GABRG3: variants seen among roughly 807,000 people sequenced by gnomAD.
GABRG3 encodes the protein gamma-aminobutyric acid type A receptor subunit gamma3, also known as gamma-aminobutyric acid receptor subunit gamma-3.
A neutral mutation model predicts 48.8 loss-of-function variants in GABRG3; 25 were observed. The ratio of observed to expected loss-of-function variants is 0.51; its 90% CI spans 0.37 to 0.72. The LOEUF (loss-of-function observed/expected upper bound fraction) is 0.72, where lower values mean the gene tolerates loss of function less well. GABRG3 is among the 30% of genes least tolerant of loss of function. The pLI is 0.00. For synonymous variants in GABRG3, 227 were observed against 217.6 expected (o/e 1.04, Z -0.38); for missense variants, 394 against 577.9 (o/e 0.68, Z 3.26).
At chr15:27,434,725 G>A (rs988388156) in intron 5 of GABRG3, among the ~76,000 whole-genome samples, 3 of 152,196 alleles carry the variant, frequency 2.0e-5, no homozygotes, top group Non-Finnish European at 4.4e-5. Context: ...GGCCAGAGCA[G>A]CAGTATGAGG....
chr15:27,288,456 T>G (rs1348182986), intron 3 of GABRG3, among the ~76,000 whole-genome samples: 1 of 152,010 alleles, frequency 6.6e-6, no homozygotes, highest in African/African-American at 2.4e-5. Flanking sequence ...TATCAGTCAT[T>G]AGATTTTCAT....
At chr15:27,407,743 C>G (rs999758980) in intron 5 of GABRG3, among the ~76,000 whole-genome samples, 13 of 152,144 alleles carry the variant, frequency 8.5e-5, no homozygotes, top group African/African-American at 3.1e-4. Context: ...AACTATATGG[C>G]ATTCTGGAAA....
chr15:27,045,879 A>G (rs533377146), intron 3 of GABRG3, among the ~76,000 whole-genome samples: 7 of 152,300 alleles, frequency 4.6e-5, no homozygotes, highest in African/African-American at 1.7e-4. Context: ...CCAAGTCCTC[A>G]TGCAGGGGCC....
chr15:27,454,453 A>T (rs548327266), intron 5 of GABRG3, among the ~76,000 whole-genome samples: 1 of 152,318 alleles, frequency 6.6e-6, no homozygotes, highest in Non-Finnish European at 1.5e-5. Flanking sequence ...ACTGAAAAAC[A>T]TGGTAGAAAG....
Position 27,171,320 on chromosome 15 carries a change from C to T in GABRG3, c.270+144499C>T, listed in dbSNP as rs115298848. Among the ~76,000 whole-genome samples, 672 of 152,250 alleles carry T rather than the reference C, an allele frequency of 4.4e-3. 7 individuals carry two copies. The highest frequency in any genetic ancestry group is 0.016 in the African/African-American group (653 of 41,546). On this transcript the variant is annotated intron_variant, in intron 3 of 9. Coordinates refer to ENST00000615808, the MANE Select transcript of GABRG3 (RefSeq NM_033223.5). ...ATCCTTTCACTTTATTTCACCTTGT[C>T]TCTTAGTAGTAAATGAAAATTATGT...
chr15:27,002,762 A>G (rs1223770911), intron 2 of GABRG3, among the ~76,000 whole-genome samples: 1 of 146,300 alleles, frequency 6.8e-6, no homozygotes, highest in Admixed American at 6.7e-5. Context: ...AAAAAAAAAA[A>G]AGGAAGGAAG....
At chr15:27,382,864 A>C (rs1895818070) in intron 5 of GABRG3, among the ~76,000 whole-genome samples, 1 of 152,180 alleles carries the variant, frequency 6.6e-6, no homozygotes, top group South Asian at 2.1e-4. Flanking sequence ...TTAGGGAAAC[A>C]TCTGGAGCTT....
chr15:27,032,806 C>G lies in GABRG3; in HGVS notation c.270+5985C>G, dbSNP rs1214014903. Among the ~76,000 whole-genome samples the G allele has an allele frequency of 6.6e-5, 10 of 151,420 alleles. No homozygotes were observed. In the East Asian group the frequency reaches 1.9e-3, roughly 29 times the overall value. Reference sequence around the variant, plus strand: ...ATCACCTGGCAATTTTCATTGTGTACAAAGATTTGTAGAGGCATTGAGTGG... The same window carrying G: ...ATCACCTGGCAATTTTCATTGTGTAGAAAGATTTGTAGAGGCATTGAGTGG... On this transcript the variant is annotated intron_variant, in intron 3 of 9. Transcript: ENST00000615808.
chr15:27,477,902 T>C (rs556216663), intron 5 of GABRG3, among the ~76,000 whole-genome samples: 5 of 151,998 alleles, frequency 3.3e-5, no homozygotes, highest in East Asian at 3.9e-4. Flanking sequence ...AAAAATTAGC[T>C]GGGCATGGTG....
chr15:27,098,441 A>G (rs1167968861), intron 3 of GABRG3, among the ~76,000 whole-genome samples: 1 of 152,200 alleles, frequency 6.6e-6, no homozygotes, highest in Non-Finnish European at 1.5e-5. Context: ...CTCAAAAACC[A>G]ACAACAACAA....
At chr15:26,998,298 T>C (rs1273207947) in intron 2 of GABRG3, among the ~76,000 whole-genome samples, 5 of 152,238 alleles carry the variant, frequency 3.3e-5, no homozygotes, top group Non-Finnish European at 7.3e-5. Context: ...CATGGAATTC[T>C]CCACACTTTG....
At chr15:27,089,018 G>A (rs74006576) in intron 3 of GABRG3, among the ~76,000 whole-genome samples, 3,470 of 152,226 alleles carry the variant, frequency 0.023, 144 homozygotes, top group African/African-American at 0.08. Flanking sequence ...CTGGCGCCGG[G>A]CTCTGGAGCC....
intron 5 of GABRG3, among the ~76,000 whole-genome samples, chr15:27,407,311 A>G (rs191326691): frequency 6.6e-6 from 1 of 152,350 alleles, no homozygotes; most frequent in East Asian, 1.9e-4. Flanking sequence ...CACTGACACC[A>G]GCAAATGCTG....
intron 2 of GABRG3, among the ~76,000 whole-genome samples, chr15:26,989,123 T>C (rs1482601834): frequency 6.6e-6 from 1 of 152,168 alleles, no homozygotes; most frequent in African/African-American, 2.4e-5. Context: ...CTAATTTCCA[T>C]CACTATGAAT....
Position 27,513,174 on chromosome 15 carries a change from G to A in GABRG3, c.713-6798G>A, listed in dbSNP as rs79880764. ...TAAAAAATGAAAGCCACGGACAGGC[G>A]CAGTAGCTCATGCCTGTAATCCCAT... On this transcript the variant is annotated intron_variant, in intron 6 of 9. Coordinates refer to ENST00000615808, the MANE Select transcript of GABRG3 (RefSeq NM_033223.5). Among the ~76,000 whole-genome samples the A allele has an allele frequency of 2.4e-3, 362 of 152,116 alleles. 4 individuals carry two copies. In the East Asian group the frequency reaches 0.043, roughly 18 times the overall value.
At chr15:27,358,741 A>G (rs1370250956) in intron 5 of GABRG3, among the ~76,000 whole-genome samples, 1 of 152,224 alleles carries the variant, frequency 6.6e-6, no homozygotes, top group Non-Finnish European at 1.5e-5. Flanking sequence ...ATATTCAAAC[A>G]CACAGATCAA....
At chr15:27,218,155 A>G (rs1267863784) in intron 3 of GABRG3, among the ~76,000 whole-genome samples, 2 of 151,994 alleles carry the variant, frequency 1.3e-5, no homozygotes, top group Admixed American at 1.3e-4. Context: ...GACTACCTAC[A>G]GATGTGTGCT....
intron 3 of GABRG3, among the ~76,000 whole-genome samples, chr15:27,194,864 TCTC>T (rs2140425157): frequency 6.6e-6 from 1 of 152,246 alleles, no homozygotes; most frequent in African/African-American, 2.4e-5. Context: ...CTCTCTCTCT[TCTC>T]CTTCCAAAAT....
At chr15:27,125,124 C>T (rs888100539) in intron 3 of GABRG3, among the ~76,000 whole-genome samples, 3 of 151,626 alleles carry the variant, frequency 2.0e-5, no homozygotes, top group African/African-American at 2.4e-5. Flanking sequence ...GATGATATGC[C>T]GAAAGACTTT....
Sources: gnomAD v4.1 joint callset for allele counts (sites outside exome capture counted in the v4.1 genomes callset) on GRCh38, gnomAD v4.1.1 for gene constraint, MANE v1.5 for transcripts, NCBI Gene and HGNC (gene_info 2026-07-23, HGNC 2026-07-21) for gene names.